SYNE1: variants seen among roughly 807,000 people sequenced by gnomAD.
The protein encoded by SYNE1 is spectrin repeat containing nuclear envelope protein 1.
In SYNE1, 616 loss-of-function variants were observed where a neutral mutation model predicts 1,111.0. The ratio of observed to expected loss-of-function variants is 0.55; its 90% CI spans 0.52 to 0.59. The LOEUF (loss-of-function observed/expected upper bound fraction) is 0.59. Ranked by LOEUF, SYNE1 falls within the 20% of genes least tolerant of loss-of-function variation. SYNE1 has a pLI of 0.00. For synonymous variants in SYNE1, 3,855 were observed against 3,825.8 expected (o/e 1.01, Z -0.28); for missense variants, 10,006 against 10,417.0 (o/e 0.96, Z 1.72).
At chr6:152,451,896 G>A (rs1301538104) in intron 25 of SYNE1, among the ~76,000 whole-genome samples, 4 of 151,796 alleles carry the variant, frequency 2.6e-5, no homozygotes, top group Admixed American at 2.6e-4. Flanking sequence ...CCCTGTATGT[G>A]TCCCTTTTGA....
rs763100950 is a variant in SYNE1 at position 152,206,201 on chromosome 6, T to G, written c.22986A>C (p.Glu7662Asp). 1.8e-5 allele frequency: 29 copies of G among 1,613,694 alleles called. No individual in the cohort carries two copies. Among genetic ancestry groups the G allele is most frequent in the Non-Finnish European group, 2.4e-5 (28 of 1,180,032 alleles). The change falls in exon 126 of 146, where the codon GAA becomes GAC. Residue 7662 changes from glutamate (E) to aspartate (D), a missense_variant. Around this residue, in one of 7 missense-constraint regions of SYNE1, gnomAD observed 2,182 missense variants for 2,287.8 expected, o/e 0.95. Transcript: ENST00000367255. The part of the protein sequence containing the change: ...EKWKSASMRL[E>D]EQKKKLAFLL... Reference sequence around the variant, plus strand: ...AGAAGGCTAGTTTTTTCTTCTGTTCTTCCAGCCGCATGCTGGCTGATTTCC... The same window carrying G: ...AGAAGGCTAGTTTTTTCTTCTGTTCGTCCAGCCGCATGCTGGCTGATTTCC...
intron 126 of SYNE1, among the ~76,000 whole-genome samples, 192 bp from the exon 127 acceptor site, chr6:152,202,141 G>C (rs556196958): frequency 2.6e-5 from 4 of 152,130 alleles, no homozygotes; most frequent in African/African-American, 9.6e-5. Flanking sequence ...GAGGTCAGGA[G>C]TTTGTAACCA....
chr6:152,136,361 G>A (rs896379014), intron 141 of SYNE1, among the ~76,000 whole-genome samples: 5 of 152,230 alleles, frequency 3.3e-5, no homozygotes, highest in Admixed American at 6.5e-5. Flanking sequence ...TAGAAGGAGC[G>A]TTGCGACGGA....
intron 84 of SYNE1, 38 bp downstream of exon 84, chr6:152,321,200 C>T: frequency 6.2e-7 from 1 of 1,611,020 alleles, no homozygotes; most frequent in Non-Finnish European, 8.5e-7. Flanking sequence ...ACCCTATAAA[C>T]AAAATGGAAA....
intron 100 of SYNE1, among the ~76,000 whole-genome samples, chr6:152,265,131 G>A (rs182562158): frequency 3.9e-4 from 59 of 150,960 alleles, no homozygotes; most frequent in African/African-American, 1.1e-3. Context: ...ACTTGTACCC[G>A]GGAGGCAGAG....
In SYNE1 at chr6:152,301,890, C is replaced by T; in HGVS notation, c.17520G>A (p.Ser5840=). The T allele has an allele frequency of 1.9e-6, 3 of 1,613,668 alleles. No homozygotes were observed. The highest frequency in any genetic ancestry group is 2.5e-6 in the Non-Finnish European group (3 of 1,179,654). The change falls in exon 92 of 146, where the codon TCG becomes TCA. Residue 5840 remains serine (S), a synonymous_variant. Transcript: ENST00000367255. ...TTACCATGACCACAGAGGGGTGGGC[C>T]GAAGGCGTGGGGAGGAGCTCCCCAT... ...DLDGELLPTP[S]AHPSVVMMTA... is the part of the protein sequence containing the mutation.
chr6:152,512,943 C>T (rs1383939101), intron 6 of SYNE1, among the ~76,000 whole-genome samples: 3 of 152,062 alleles, frequency 2.0e-5, no homozygotes, highest in Non-Finnish European at 4.4e-5. Flanking sequence ...CAGATAAAAC[C>T]AGAGCAGAAG....
intron 2 of SYNE1, among the ~76,000 whole-genome samples, chr6:152,631,193 G>T (rs1162949848): frequency 6.6e-6 from 1 of 152,178 alleles, no homozygotes; most frequent in African/African-American, 2.4e-5. Context: ...GTCCTTCTTG[G>T]CAAGGAGCAG....
rs184405538 is a variant in SYNE1 at position 152,122,185 on chromosome 6, C to T, written c.*251G>A. Reference sequence around the variant, plus strand: ...AACTTTGGAGGTCCTTACTCAATCTCCTTAGTGCTAAGGTTCAGAGTCTCA... The same window carrying T: ...AACTTTGGAGGTCCTTACTCAATCTTCTTAGTGCTAAGGTTCAGAGTCTCA... On this transcript the variant is annotated 3_prime_UTR_variant, in exon 146 of 146. Transcript: ENST00000367255. 36 of 561,376 alleles carry T rather than the reference C, an allele frequency of 6.4e-5. No individual in the cohort carries two copies. In the East Asian group the frequency reaches 1.1e-3, roughly 18 times the overall value. The allele number at this position is 561,376 out of a possible 1,614,324, so 34.8% of individuals were successfully genotyped here.
chr6:152,605,066 GAGGGAGGA>G (rs1565143285), intron 3 of SYNE1, among the ~76,000 whole-genome samples: 3 of 53,680 alleles, frequency 5.6e-5, no homozygotes, highest in African/African-American at 2.6e-4. Context: ...GGGAGGGAGG[GAGGGAGGA>G]AAGAAGGAAG....
intron 85 of SYNE1, 84 bp downstream of exon 85, chr6:152,318,779 T>C (rs2095799367): frequency 1.7e-5 from 26 of 1,548,144 alleles, no homozygotes; most frequent in Non-Finnish European, 2.3e-5. Context: ...TCCTAAAAGG[T>C]TTTTATCCTA....
Position 152,216,457 on chromosome 6 carries a change from T to C in SYNE1, c.22192-1397A>G, listed in dbSNP as rs369166079. On this transcript the variant is annotated intron_variant, in intron 121 of 145. Coordinates refer to ENST00000367255, the MANE Select transcript of SYNE1 (RefSeq NM_182961.4). The stretch of plus-strand genomic sequence containing the variant: ...TGGAGACTTTCCTAAGAGAGTGACA[T>C]TGAACAAAATGACCAGGACTTTACT... Among the ~76,000 whole-genome samples, 29 of 152,220 alleles carry C rather than the reference T, an allele frequency of 1.9e-4. 2 individuals carry two copies. Among genetic ancestry groups the C allele is most frequent in the South Asian group, 1.9e-3 (9 of 4,822 alleles).
In SYNE1 at chr6:152,455,519, C is replaced by G; in HGVS notation, c.2799G>C (p.Glu933Asp). The change falls in exon 24 of 146, where the codon GAG becomes GAC. Residue 933 changes from glutamate to aspartate, a missense_variant. This residue lies in a region of SYNE1 where 1,971 missense variants were observed against 2,084.1 expected (regional missense o/e 0.95). Coordinates refer to ENST00000367255, the MANE Select transcript of SYNE1 (RefSeq NM_182961.4). ...CCTTCTCCAACTCTGCTCGAGACTC[C>G]TCAAACTTCTTCATCAAGCGACTGT... Reference protein sequence around the residue: ...ETNSRLMKKFEESRAELEKVL... With the variant: ...ETNSRLMKKFDESRAELEKVL... 1 of 1,614,172 alleles carries G rather than the reference C, an allele frequency of 6.2e-7. No individual in the cohort carries two copies. Among genetic ancestry groups the G allele is most frequent in the African/African-American group, 1.3e-5 (1 of 75,046 alleles).
chr6:152,326,309 C>T lies in SYNE1; in HGVS notation c.15280G>A (p.Asp5094Asn). The part of the protein sequence containing the change: ...RMSRDSGAQV[D>N]LLQRCTAQWH... ...ATCCTGAAATACCTCTGCAAGAGAT[C>T]CACTTGGGCACCAGAGTCCCGGCTC... Residue 5094 changes from aspartate to asparagine, a missense_variant, in exon 79 of 146, where the codon GAT becomes AAT. By Grantham distance (23) the Asp-to-Asn change is conservative. Coordinates refer to ENST00000367255, the MANE Select transcript of SYNE1 (RefSeq NM_182961.4). 6.2e-7 allele frequency: 1 copy of T among 1,614,128 alleles called. No individual in the cohort carries two copies. Among genetic ancestry groups the T allele is most frequent in the Non-Finnish European group, 8.5e-7 (1 of 1,179,994 alleles).
chr6:152,428,422 A>C lies in SYNE1; in HGVS notation c.4789-30T>G, dbSNP rs2098392976. ...GAAGAGTGCGAGAAGAATGCAGTGA[A>C]AGCACAGGAGCCAACGAGGCCTGCA... On this transcript the variant is annotated intron_variant, in intron 36 of 145. Coordinates refer to ENST00000367255, the MANE Select transcript of SYNE1 (RefSeq NM_182961.4). 3 of 1,611,734 alleles carry C rather than the reference A, an allele frequency of 1.9e-6. No homozygotes were observed. The African/African-American group carries it at 4.0e-5, about 22-fold the overall frequency.
Position 152,628,292 on chromosome 6 carries a change from T to C in SYNE1, c.40A>G (p.Ile14Val), listed in dbSNP as rs761019472. 1 of 1,614,190 alleles carries C rather than the reference T, an allele frequency of 6.2e-7. No individual in the cohort carries two copies. Among genetic ancestry groups the C allele is most frequent in the South Asian group, 1.1e-5 (1 of 91,084 alleles). The part of the protein sequence containing the change: ...SRGASRCPRD[I>V]ANVMQRLQDE... Reference sequence around the variant, plus strand: ...TGCAGCCTCTGCATCACATTGGCGATATCCCGAGGACACCGGGAGGCCCCT... The same window carrying C: ...TGCAGCCTCTGCATCACATTGGCGACATCCCGAGGACACCGGGAGGCCCCT... Residue 14 changes from isoleucine to valine, a missense_variant, in exon 3 of 146, where the codon ATC (isoleucine) becomes GTC (valine). Ile to Val is a conservative substitution (Grantham distance 29, BLOSUM62 3). Transcript: ENST00000367255.
chr6:152,283,121 A>G (rs536785994), intron 96 of SYNE1, among the ~76,000 whole-genome samples: 33 of 152,340 alleles, frequency 2.2e-4, no homozygotes, highest in Non-Finnish European at 3.7e-4. Flanking sequence ...GCTTAGGGCC[A>G]AGAATTTACG....
At chr6:152,628,861 G>T (rs2099691662) in intron 2 of SYNE1, among the ~76,000 whole-genome samples, 1 of 152,084 alleles carries the variant, frequency 6.6e-6, no homozygotes, top group South Asian at 2.1e-4. Context: ...CTATGAAAGT[G>T]GTTTCCCTTA....
intron 14 of SYNE1, among the ~76,000 whole-genome samples, chr6:152,473,607 G>T (rs924438054): frequency 6.6e-6 from 1 of 152,106 alleles, no homozygotes; most frequent in African/African-American, 2.4e-5. Flanking sequence ...CTCAAGGGAG[G>T]GTATTATGTG....
Sources: allele counts gnomAD v4.1 joint callset (sites outside exome capture counted in the v4.1 genomes callset), GRCh38; gene constraint gnomAD v4.1.1; regional missense constraint gnomAD v4.1.1; transcripts MANE v1.5; gene names NCBI Gene and HGNC (gene_info 2026-07-23, HGNC 2026-07-21).